Variants in GABRB2 observed in about 807,000 individuals in gnomAD.
The protein encoded by GABRB2 is gamma-aminobutyric acid type A receptor subunit beta2.
A neutral mutation model predicts 54.7 loss-of-function variants in GABRB2; 16 were observed. The ratio of observed to expected loss-of-function variants is 0.29; its 90% CI spans 0.20 to 0.44. GABRB2 has a LOEUF of 0.44. Ranked by LOEUF, GABRB2 falls within the 20% of genes least tolerant of loss-of-function variation. The pLI is 1.00. For missense variants in GABRB2, 355 were observed against 644.0 expected (o/e 0.55, Z 4.86); for synonymous variants, 244 against 233.8 (o/e 1.04, Z -0.40).
rs1280158328 is a variant in GABRB2, at chr5:161,290,552, T to C, written c.*3529A>G. The C allele has an allele frequency of 2.6e-5, 4 of 152,600 alleles. No homozygotes were observed. The East Asian group carries it at 7.7e-4, about 29-fold the overall frequency. The allele number at this position is 152,600 out of a possible 1,614,324, so 9.5% of individuals were successfully genotyped here. On this transcript the variant is annotated 3_prime_UTR_variant, in exon 10 of 10. Coordinates refer to ENST00000393959, the MANE Select transcript of GABRB2 (RefSeq NM_001371727.1). ...TGCCAAATTAAAAATACTCATATAC[T>C]GGTTTAATGAAGGAAATAAAACATA...
intron 4 of GABRB2, among the ~76,000 whole-genome samples, chr5:161,436,868 T>C (rs995932743): frequency 1.1e-4 from 16 of 152,064 alleles, no homozygotes; most frequent in Non-Finnish European, 1.5e-5. Flanking sequence ...CCGAATTCAG[T>C]GCTGTCCTGT....
chr5:161,434,627 A>G (rs1757259604), intron 4 of GABRB2, among the ~76,000 whole-genome samples: 1 of 151,840 alleles, frequency 6.6e-6, no homozygotes, highest in Admixed American at 6.6e-5. Flanking sequence ...TATCTGGGTA[A>G]CTCTAAGTCT....
At chr5:161,362,576 A>G (rs1754846523) in intron 5 of GABRB2, among the ~76,000 whole-genome samples, 1 of 152,204 alleles carries the variant, frequency 6.6e-6, no homozygotes, top group Admixed American at 6.6e-5. Flanking sequence ...AGAAACTTTC[A>G]TCAGAGTGAA....
intron 5 of GABRB2, among the ~76,000 whole-genome samples, chr5:161,341,971 A>G (rs986184726): frequency 1.5e-4 from 4 of 26,654 alleles, no homozygotes; most frequent in African/African-American, 2.8e-4. Flanking sequence ...ATATATATAC[A>G]TACTTTATTA....
At chr5:161,370,331 C>G (rs1192122069) in intron 5 of GABRB2, among the ~76,000 whole-genome samples, 1 of 152,136 alleles carries the variant, frequency 6.6e-6, no homozygotes, top group East Asian at 1.9e-4. Context: ...CTACCCATCA[C>G]AGTGATGATA....
chr5:161,318,114 T>C (rs2113375743), intron 9 of GABRB2, among the ~76,000 whole-genome samples: 1 of 151,944 alleles, frequency 6.6e-6, no homozygotes, highest in East Asian at 1.9e-4. Flanking sequence ...TAAATGAAAG[T>C]AACCATGTGC....
rs1757270174 is a variant in GABRB2, at chr5:161,292,698, A to T, written c.*1383T>A. The T allele has an allele frequency of 6.6e-6, 1 of 152,206 alleles. No homozygotes were observed. Among genetic ancestry groups the T allele is most frequent in the Non-Finnish European group, 1.5e-5 (1 of 68,016 alleles). 9.4% of individuals were successfully genotyped at this position (152,206 alleles called of 1,614,324 possible). On this transcript the variant is annotated 3_prime_UTR_variant, in exon 10 of 10. Transcript: ENST00000393959. The stretch of plus-strand genomic sequence containing the variant: ...TGATTAGGCAGATTGCAACATATAC[A>T]ATGAAAGCACTCTTAAGAAAATCAA...
intron 3 of GABRB2, among the ~76,000 whole-genome samples, chr5:161,466,102 T>C (rs1459368233): frequency 1.3e-5 from 2 of 152,074 alleles, no homozygotes; most frequent in Non-Finnish European, 2.9e-5. Context: ...TGTTGTTGAA[T>C]GTCTTTCAGT....
At chr5:161,444,966 C>T (rs1757575536) in intron 4 of GABRB2, among the ~76,000 whole-genome samples, 1 of 152,086 alleles carries the variant, frequency 6.6e-6, no homozygotes, top group Non-Finnish European at 1.5e-5. Flanking sequence ...CTGCAGAAAC[C>T]TCAGATCCCA....
chr5:161,534,352 T>A (rs1032203573), intron 3 of GABRB2, among the ~76,000 whole-genome samples: 13 of 152,172 alleles, frequency 8.5e-5, no homozygotes, highest in African/African-American at 2.9e-4. Context: ...AAACCTGCTA[T>A]AGAATGATTA....
chr5:161,336,563 T>C, intron 6 of GABRB2, 69 bp downstream of exon 6: 2 of 1,548,532 alleles, frequency 1.3e-6, no homozygotes. Context: ...AGAACTCTAA[T>C]ATAAGTGAAC....
chr5:161,469,884 C>A (rs550198994), intron 3 of GABRB2, among the ~76,000 whole-genome samples: 1 of 151,866 alleles, frequency 6.6e-6, no homozygotes, highest in African/African-American at 2.4e-5. Context: ...CTCACTTCAC[C>A]TTTCTTCATC....
At chr5:161,357,426 G>A (rs1188667150) in intron 5 of GABRB2, among the ~76,000 whole-genome samples, 1 of 151,778 alleles carries the variant, frequency 6.6e-6, no homozygotes, top group Non-Finnish European at 1.5e-5. Context: ...GGTCAGAGAA[G>A]TGCAGGGTTG....
chr5:161,325,910 T>G (rs2113388397), intron 9 of GABRB2, among the ~76,000 whole-genome samples: 1 of 152,220 alleles, frequency 6.6e-6, no homozygotes, highest in Admixed American at 6.5e-5. Flanking sequence ...CAACAAGGAC[T>G]TGATGCAAGC....
chr5:161,481,388 G>A (rs972689889), intron 3 of GABRB2, among the ~76,000 whole-genome samples: 1 of 152,038 alleles, frequency 6.6e-6, no homozygotes, highest in East Asian at 1.9e-4. Context: ...TTACTCATAC[G>A]TACTACTGAA....
intron 5 of GABRB2, among the ~76,000 whole-genome samples, chr5:161,370,827 T>G (rs1441004114): frequency 6.6e-6 from 1 of 152,180 alleles, no homozygotes; most frequent in Non-Finnish European, 1.5e-5. Flanking sequence ...CCATTAAAAA[T>G]GTCCTCTTAA....
chr5:161,457,399 A>C (rs1280853008), intron 4 of GABRB2, among the ~76,000 whole-genome samples: 1 of 151,946 alleles, frequency 6.6e-6, no homozygotes, highest in Admixed American at 6.6e-5. Context: ...GATATAAAGA[A>C]GCCAATTTAT....
chr5:161,416,695 T>TAAAAAAAAAAAAAAAAAAAAAAAAAAAAA (rs1756678918), intron 4 of GABRB2, among the ~76,000 whole-genome samples: 1 of 6,314 alleles, frequency 1.6e-4, no homozygotes, highest in Non-Finnish European at 3.7e-4. Context: ...AGACTCCGTC[T>TAAAAAAAAAAAAAAAAAAAAAAAAAAAAA]CAAAAAAAAA....
chr5:161,457,647 C>T (rs1757997515), intron 4 of GABRB2, among the ~76,000 whole-genome samples: 1 of 151,912 alleles, frequency 6.6e-6, no homozygotes, highest in Admixed American at 6.6e-5. Context: ...AGGCTTTCAC[C>T]GTGTTAGTCA....
Sources: gnomAD v4.1 joint callset for allele counts (sites outside exome capture counted in the v4.1 genomes callset) on GRCh38, gnomAD v4.1.1 for gene constraint, MANE v1.5 for transcripts, NCBI Gene and HGNC (gene_info 2026-07-23, HGNC 2026-07-21) for gene names.